PLPP1: variants seen among roughly 807,000 people sequenced by gnomAD.
The protein encoded by PLPP1 is lipid phosphate phosphohydrolase 1a.
PLPP1 carries 24 observed loss-of-function variants against 31.2 expected under a neutral mutation model. That is an observed-to-expected ratio of 0.77 (90% CI 0.56 to 1.08). The LOEUF is 1.08. Ranked by LOEUF, PLPP1 falls within the 50% of genes least tolerant of loss-of-function variation. The pLI, the probability that PLPP1 is intolerant of heterozygous loss-of-function variation, is 0.00. For missense variants in PLPP1, 319 were observed against 342.7 expected (o/e 0.93, Z 0.55); for synonymous variants, 146 against 126.3 (o/e 1.16, Z -1.05).
intron 1 of PLPP1, among the ~76,000 whole-genome samples, chr5:55,512,928 G>C (rs1202737614): frequency 1.3e-5 from 2 of 152,226 alleles, no homozygotes; most frequent in Non-Finnish European, 2.9e-5. Context: ...AGGCAGGATA[G>C]TGAATCAAGG....
intron 4 of PLPP1, among the ~76,000 whole-genome samples, chr5:55,428,935 T>C (rs982109918): frequency 2.0e-5 from 3 of 152,170 alleles, no homozygotes; most frequent in Non-Finnish European, 4.4e-5. Context: ...TTATTACTTT[T>C]AATTCCCCTT....
At chr5:55,533,179 T>C (rs1288476403) in intron 1 of PLPP1, among the ~76,000 whole-genome samples, 1 of 151,360 alleles carries the variant, frequency 6.6e-6, no homozygotes, top group African/African-American at 2.4e-5. Flanking sequence ...AGGTCAGGAG[T>C]TCGAGACCAG....
At chr5:55,464,638 A>C (rs1752246708) in intron 3 of PLPP1, among the ~76,000 whole-genome samples, 1 of 152,200 alleles carries the variant, frequency 6.6e-6, no homozygotes, top group Non-Finnish European at 1.5e-5. Flanking sequence ...CATACAATCG[A>C]ATATACCTCA....
rs1740474017 is a variant in PLPP1 at position 55,526,990 on chromosome 5, C to T, written c.58+7582G>A. Among the ~76,000 whole-genome samples, 7 of 149,698 alleles carry T rather than the reference C, an allele frequency of 4.7e-5. No individual in the cohort carries two copies. The South Asian group carries it at 1.5e-3, about 32-fold the overall frequency. On this transcript the variant is annotated intron_variant, in intron 1 of 5. Coordinates refer to ENST00000307259, the MANE Select transcript of PLPP1 (RefSeq NM_003711.4). ...AGAAACAGCAAGTGGTCAGGATAGG[C>T]ACCGTGTCCTATTTGTTTACTTATT...
chr5:55,468,375 C>T, intron 2 of PLPP1: 1 of 412,790 alleles, frequency 2.4e-6, no homozygotes. Flanking sequence ...AAAGCCATGG[C>T]TGGGACAAAA....
At chr5:55,501,583 CCAA>C (rs1215694032) in intron 1 of PLPP1, among the ~76,000 whole-genome samples, 9 of 152,238 alleles carry the variant, frequency 5.9e-5, no homozygotes, top group Middle Eastern at 3.4e-3. Flanking sequence ...TGGCTCACTG[CCAA>C]CTCCAACTCC....
At chr5:55,430,280 A>G (rs2111666894) in intron 4 of PLPP1, among the ~76,000 whole-genome samples, 1 of 152,326 alleles carries the variant, frequency 6.6e-6, no homozygotes, top group South Asian at 2.1e-4. Context: ...CTGGAGACCC[A>G]AGAATCAGCC....
At chr5:55,432,365 A>G (rs142444577) in intron 4 of PLPP1, among the ~76,000 whole-genome samples, 4 of 152,274 alleles carry the variant, frequency 2.6e-5, no homozygotes, top group African/African-American at 9.6e-5. Context: ...GAACAGACCA[A>G]TAATGAGTAA....
At chr5:55,460,828 A>T (rs777521614) in intron 3 of PLPP1, among the ~76,000 whole-genome samples, 4 of 152,182 alleles carry the variant, frequency 2.6e-5, no homozygotes, top group Admixed American at 1.3e-4. Context: ...CCTGGACAAC[A>T]GAACAAGACT....
intron 1 of PLPP1, among the ~76,000 whole-genome samples, chr5:55,526,203 T>C (rs1740427936): frequency 6.6e-6 from 1 of 152,156 alleles, no homozygotes; most frequent in Admixed American, 6.5e-5. Flanking sequence ...CAAAAATGAC[T>C]AAATGAGAAA....
rs572281925 is a variant in PLPP1 at position 55,484,576 on chromosome 5, A to G, written c.59-9126T>C. The G allele has an allele frequency of 3.9e-5, 6 of 152,310 alleles. No homozygotes were observed. In the South Asian group the frequency reaches 1.0e-3, roughly 26 times the overall value. 9.4% of individuals were successfully genotyped at this position (152,310 alleles called of 1,614,324 possible). ...TAAACACTTTCAAGGTACCAAGGCT[A>G]TAGAGTAAAAAATACAGAGACTGGG... On this transcript the variant is annotated intron_variant, in intron 1 of 5. Transcript: ENST00000307259.
intron 1 of PLPP1, among the ~76,000 whole-genome samples, chr5:55,482,083 T>C (rs1752677294): frequency 6.8e-6 from 1 of 147,734 alleles, no homozygotes; most frequent in African/African-American, 2.5e-5. Flanking sequence ...TATAATTATA[T>C]ATTTATATTT....
chr5:55,531,717 T>C (rs566342733), intron 1 of PLPP1, among the ~76,000 whole-genome samples: 2 of 152,358 alleles, frequency 1.3e-5, no homozygotes, highest in South Asian at 4.1e-4. Context: ...TCAAATTTAA[T>C]ATAACAGACT....
In PLPP1 at chr5:55,424,948, A is replaced by G; in HGVS notation, c.*258T>C. 1.6e-6 allele frequency: 1 copy of G among 638,072 alleles called. No homozygotes were observed. The highest frequency in any genetic ancestry group is 2.3e-5 in the South Asian group (1 of 44,180). 39.5% of individuals were successfully genotyped at this position (638,072 alleles called of 1,614,324 possible). On this transcript the variant is annotated 3_prime_UTR_variant, in exon 6 of 6. Coordinates refer to ENST00000307259, the MANE Select transcript of PLPP1 (RefSeq NM_003711.4). ...ATACATGTTTATACATAAGCATTAC[A>G]TTTTTTTAATAAAAATGTATACAGG...
chr5:55,447,189 G>C (rs187435021), intron 3 of PLPP1, among the ~76,000 whole-genome samples: 276 of 152,282 alleles, frequency 1.8e-3, no homozygotes, highest in Non-Finnish European at 2.8e-3. Context: ...ATAGAAGCAG[G>C]CTTTTTTAAA....
intron 4 of PLPP1, among the ~76,000 whole-genome samples, chr5:55,439,798 G>T (rs2111701588): frequency 6.6e-6 from 1 of 152,342 alleles, no homozygotes; most frequent in African/African-American, 2.4e-5. Context: ...AGAAAATGAT[G>T]AAGTATGGAA....
rs1273575288 is a variant in PLPP1, at chr5:55,458,619, G to A, written c.491+9250C>T. ...AATACATAGCAAGGCTGGGCGTGGTGGCTCACGCCTGTAGTCCCAGCATTT... is the reference window on the plus strand; with the variant it reads ...AATACATAGCAAGGCTGGGCGTGGTAGCTCACGCCTGTAGTCCCAGCATTT... On this transcript the variant is annotated intron_variant, in intron 3 of 5. Transcript: ENST00000307259. Among the ~76,000 whole-genome samples, 3 of 152,038 alleles carry A rather than the reference G, an allele frequency of 2.0e-5. No individual in the cohort carries two copies. In the East Asian group the frequency reaches 5.8e-4, roughly 29 times the overall value.
rs1336721386 is a variant in PLPP1 at position 55,467,925 on chromosome 5, A to G, written c.435T>C (p.Asp145=). 1 of 1,614,186 alleles carries G rather than the reference A, an allele frequency of 6.2e-7. No individual in the cohort carries two copies. The highest frequency in any genetic ancestry group is 1.1e-5 in the South Asian group (1 of 91,080). Residue 145 remains aspartate, a synonymous_variant, in exon 3 of 6, where the codon GAT becomes GAC. Transcript: ENST00000307259. ...GACATATGTAGTATTCAATGTAACC[A>G]TCGCTGCAGTTGATTTTTGACCAAT... is the stretch of plus-strand genomic sequence containing the variant. The part of the protein sequence containing the change: ...DPDWSKINCS[D]GYIEYYICRG...
chr5:55,522,895 T>C (rs540290841), intron 1 of PLPP1, among the ~76,000 whole-genome samples: 278 of 152,188 alleles, frequency 1.8e-3, no homozygotes, highest in Non-Finnish European at 1.6e-3. Flanking sequence ...ATTTTTTGTA[T>C]TTTTAGTACA....
Sources: gnomAD v4.1 joint callset for allele counts (sites outside exome capture counted in the v4.1 genomes callset) on GRCh38, gnomAD v4.1.1 for gene constraint, MANE v1.5 for transcripts, NCBI Gene and HGNC (gene_info 2026-07-23, HGNC 2026-07-21) for gene names.